The following ZNF579 variants were observed in gnomAD, a reference collection of about 807,000 sequenced individuals.
The protein encoded by ZNF579 is zinc finger protein 579.
A neutral mutation model predicts 5.7 loss-of-function variants in ZNF579; 3 were observed. That is an observed-to-expected ratio of 0.53 (90% CI 0.24 to 1.36). The LOEUF is 1.36. Among genes scored for constraint, ZNF579 ranks in the 40% most tolerant of loss-of-function variants. The pLI, the probability that ZNF579 is intolerant of heterozygous loss-of-function variation, is 0.16. For synonymous variants in ZNF579, 454 were observed against 409.0 expected, an observed-to-expected ratio of 1.11 and a Z score of -1.33; for missense variants, 679 against 877.6, an observed-to-expected ratio of 0.77 and a Z score of 2.86.
rs1470348847 is a variant in ZNF579, at chr19:55,579,301, G to A, written c.339C>T (p.Ala113=). ...CCTGAGCCAGGTGGCGCCTGAGCTG[G>A]GCCGGTTCTGGGAAGGTGCGGGGGC... The part of the protein sequence containing the change: ...AACPRTFPEP[A]QLRRHLAQEH... Residue 113 remains alanine (A), a synonymous_variant, in exon 2 of 2, where the codon GCC becomes GCT. Transcript: ENST00000325421. 1.3e-6 allele frequency: 2 copies of A among 1,505,288 alleles called. No individual in the cohort carries two copies. Among genetic ancestry groups the A allele is most frequent in the Admixed American group, 4.1e-5 (2 of 48,756 alleles). The allele number at this position is 1,505,288 out of a possible 1,614,324, so 93.2% of individuals were successfully genotyped here.
chr19:55,579,767 G>A (rs1979585156), intron 1 of ZNF579, 126 bp from the exon 2 acceptor site: 3 of 1,097,648 alleles, frequency 2.7e-6, no homozygotes. Context: ...ATTTAGCCAG[G>A]AGAGAGATAT....
rs1387662541 is a variant in ZNF579 at position 55,576,877 on chromosome 19, G to A, written c.*1074C>T. On this transcript the variant is annotated 3_prime_UTR_variant, in exon 2 of 2. Coordinates refer to ENST00000325421, the MANE Select transcript of ZNF579 (RefSeq NM_152600.3). ...CGTGTGTCTGCTGGATATCATATTG[G>A]ACAGTGAAGATGTAGAATATCCCAT... 2 of 152,064 alleles carry A rather than the reference G, an allele frequency of 1.3e-5. No individual in the cohort carries two copies. The highest frequency in any genetic ancestry group is 2.9e-5 in the Non-Finnish European group (2 of 68,020). 9.4% of individuals were successfully genotyped at this position (152,064 alleles called of 1,614,324 possible).
In ZNF579 at chr19:55,579,453, G is replaced by A; in HGVS notation, c.187C>T (p.Arg63Trp). 1.5e-6 allele frequency: 2 copies of A among 1,340,276 alleles called. No homozygotes were observed. Among genetic ancestry groups the A allele is most frequent in the Non-Finnish European group, 1.9e-6 (2 of 1,043,650 alleles). 83.0% of individuals were successfully genotyped at this position (1,340,276 alleles called of 1,614,324 possible). A position where few individuals can be genotyped will look rare whatever the true frequency, so the allele number is the denominator to read the frequency against. Residue 63 changes from arginine to tryptophan, a missense_variant, in exon 2 of 2, where the codon CGG (arginine) becomes TGG (tryptophan). By Grantham distance (101) the Arg-to-Trp change is moderately radical (BLOSUM62 -3). This residue lies in a region of ZNF579 where 134 missense variants were observed against 208.9 expected (regional missense o/e 0.64). Coordinates refer to ENST00000325421, the MANE Select transcript of ZNF579 (RefSeq NM_152600.3). ...GGCCGGAGCCCCGAGTGGCTCAGCC[G>A]GTGCCGGGAGAGGTAGTAGGGGAAA... ...FRFPYYLSRH[R>W]LSHSGLRPHA...
chr19:55,578,497 C>T lies in ZNF579; in HGVS notation c.1143G>A (p.Glu381=). Residue 381 remains glutamate (E), a synonymous_variant, in exon 2 of 2, where the codon GAG becomes GAA. Transcript: ENST00000325421. ...DAAPARPPAG[E]PRFWCPECGK... ...CGCACTCTGGGCACCAGAAGCGGGG[C>T]TCCCCGGCGGGGGGCCGAGCCGGGG... 7.0e-7 allele frequency: 1 copy of T among 1,421,634 alleles called. No homozygotes were observed. Among genetic ancestry groups the T allele is most frequent in the African/African-American group, 1.5e-5 (1 of 65,816 alleles). 88.1% of individuals were successfully genotyped at this position (1,421,634 alleles called of 1,614,324 possible). A position where few individuals can be genotyped will look rare whatever the true frequency, so the allele number is the denominator to read the frequency against.
chr19:55,578,534 C>G lies in ZNF579; in HGVS notation c.1106G>C (p.Gly369Ala). 7.3e-7 allele frequency: 1 copy of G among 1,363,340 alleles called. No individual in the cohort carries two copies. The highest frequency in any genetic ancestry group is 9.3e-7 in the Non-Finnish European group (1 of 1,079,894). 84.5% of individuals were successfully genotyped at this position (1,363,340 alleles called of 1,614,324 possible). A position where few individuals can be genotyped will look rare whatever the true frequency, so the allele number is the denominator to read the frequency against. The change falls in exon 2 of 2, where the codon GGA (glycine) becomes GCA (alanine). Residue 369 changes from glycine to alanine, a missense_variant. This residue lies in a region of ZNF579 where 114 missense variants were observed against 98.9 expected (regional missense o/e 1.15). Coordinates refer to ENST00000325421, the MANE Select transcript of ZNF579 (RefSeq NM_152600.3). ...GASEGGEGQN[G>A]GDAAPARPPA... ...GGGCCGAGCCGGGGCGGCGTCGCCT[C>G]CGTTCTGCCCTTCTCCCCCTTCCGA... is the stretch of plus-strand genomic sequence containing the variant.
chr19:55,577,222 C>T lies in ZNF579; in HGVS notation c.*729G>A, dbSNP rs1979398846. On this transcript the variant is annotated 3_prime_UTR_variant, in exon 2 of 2. Coordinates refer to ENST00000325421, the MANE Select transcript of ZNF579 (RefSeq NM_152600.3). ...GACTCCTCCTCAGTGCCTAGTACCA[C>T]CGCTGACACAGAGTAAGGGTGTGGT... 2 of 152,482 alleles carry T rather than the reference C, an allele frequency of 1.3e-5. No individual in the cohort carries two copies. The highest frequency in any genetic ancestry group is 1.9e-4 in the East Asian group (1 of 5,202). 9.4% of individuals were successfully genotyped at this position (152,482 alleles called of 1,614,324 possible).
In ZNF579 at chr19:55,578,073, C is replaced by G; in HGVS notation, c.1567G>C (p.Ala523Pro). 6.3e-7 allele frequency: 1 copy of G among 1,577,080 alleles called. No individual in the cohort carries two copies. Among genetic ancestry groups the G allele is most frequent in the South Asian group, 1.2e-5 (1 of 86,272 alleles). Residue 523 changes from alanine to proline, a missense_variant, in exon 2 of 2, where the codon GCT becomes CCT. Physicochemically the swap from Ala to Pro is conservative, Grantham distance 27. Around this residue, in one of 6 missense-constraint regions of ZNF579, gnomAD observed 116 missense variants for 121.9 expected, o/e 0.95. Coordinates refer to ENST00000325421, the MANE Select transcript of ZNF579 (RefSeq NM_152600.3). ...SPGTPPQSPP[A>P]PPVFLSASCF... ...GAGGCGCTGAGGAAGACAGGGGGAGCCGGCGGGGACTGGGGTGGGGTCCCC... is the reference window on the plus strand; with the variant it reads ...GAGGCGCTGAGGAAGACAGGGGGAGGCGGCGGGGACTGGGGTGGGGTCCCC...
At position 55,578,131 on chromosome 19, in the gene ZNF579, G is replaced by A. The variant is rs1979451539; in HGVS notation, c.1509C>T (p.Pro503=). ...AEQEEEGLPL[P]LANIKEEPPS... is the part of the protein sequence containing the mutation. ...GCGGCTCTTCCTTAATGTTTGCGAG[G>A]GGCAGCGGGAGCCCTTCTTCCTCCT... The change falls in exon 2 of 2, where the codon CCC becomes CCT. Residue 503 remains proline, a synonymous_variant. Transcript: ENST00000325421. 2 of 1,542,598 alleles carry A rather than the reference G, an allele frequency of 1.3e-6. No individual in the cohort carries two copies. Among genetic ancestry groups the A allele is most frequent in the Non-Finnish European group, 1.7e-6 (2 of 1,143,538 alleles).
In ZNF579 at chr19:55,577,854, G is replaced by T. The variant is rs956479940; in HGVS notation, c.*97C>A. On this transcript the variant is annotated 3_prime_UTR_variant, in exon 2 of 2. Transcript: ENST00000325421. ...TTAGTGTCAAGGGCGTGAAGGGGACGGGTGGGTAGACAGAGGAGGTGGCTC... is the reference window on the plus strand; with the variant it reads ...TTAGTGTCAAGGGCGTGAAGGGGACTGGTGGGTAGACAGAGGAGGTGGCTC... 1.7e-5 allele frequency: 26 copies of T among 1,513,838 alleles called. No individual in the cohort carries two copies. Among genetic ancestry groups the T allele is most frequent in the East Asian group, 1.7e-4 (7 of 40,860 alleles). The allele number at this position is 1,513,838 out of a possible 1,614,324, so 93.8% of individuals were successfully genotyped here.
At chr19:55,579,706 C>A in intron 1 of ZNF579, 65 bp from the exon 2 acceptor site, 1 of 1,338,356 alleles carries the variant, frequency 7.5e-7, no homozygotes. Flanking sequence ...TGGGGTGTGG[C>A]AGAAAGAGAA....
Position 55,577,626 on chromosome 19 carries a change from A to T in ZNF579, c.*325T>A. 1 of 403,924 alleles carries T rather than the reference A, an allele frequency of 2.5e-6. No individual in the cohort carries two copies. Among genetic ancestry groups the T allele is most frequent in the African/African-American group, 2.1e-5 (1 of 48,086 alleles). The allele number at this position is 403,924 out of a possible 1,614,324, so 25.0% of individuals were successfully genotyped here. On this transcript the variant is annotated 3_prime_UTR_variant, in exon 2 of 2. Coordinates refer to ENST00000325421, the MANE Select transcript of ZNF579 (RefSeq NM_152600.3). ...AGGGTCTGGCAGTTCCAAAGAGGTG[A>T]TGGTGTCCAGTGTGTGAAACGGGGG...
At position 55,579,239 on chromosome 19, in the gene ZNF579, C is replaced by G. The variant is rs754957031; in HGVS notation, c.401G>C (p.Arg134Thr). The change falls in exon 2 of 2, where the codon AGG (arginine) becomes ACG (threonine). Residue 134 changes from arginine (R) to threonine (T), a missense_variant. Transcript: ENST00000325421. The stretch of plus-strand genomic sequence containing the variant: ...GGGTTCGGCCGTCTCCTTGGCCACC[C>G]TCTCGATGGCCAGCTCGACCTCGCC... ...AGGEVELAIE[R>T]VAKETAEPSW... is the part of the protein sequence containing the mutation. 1 of 1,521,480 alleles carries G rather than the reference C, an allele frequency of 6.6e-7. No homozygotes were observed. Among genetic ancestry groups the G allele is most frequent in the South Asian group, 1.2e-5 (1 of 83,224 alleles). The allele number at this position is 1,521,480 out of a possible 1,614,324, so 94.2% of individuals were successfully genotyped here.
Position 55,578,591 on chromosome 19 carries a change from T to A in ZNF579, c.1049A>T (p.Glu350Val). 6.7e-7 allele frequency: 1 copy of A among 1,496,490 alleles called. No homozygotes were observed. Among genetic ancestry groups the A allele is most frequent in the Admixed American group, 2.2e-5 (1 of 44,924 alleles). The allele number at this position is 1,496,490 out of a possible 1,614,324, so 92.7% of individuals were successfully genotyped here. A position where few individuals can be genotyped will look rare whatever the true frequency, so the allele number is the denominator to read the frequency against. The part of the protein sequence containing the change: ...SGARNSAKGP[E>V]GGEGAECGGA... The stretch of plus-strand genomic sequence containing the variant: ...CCCGCACTCCGCCCCCTCGCCCCCC[T>A]CCGGCCCCTTGGCTGAGTTCCGTGC... The change falls in exon 2 of 2, where the codon GAG (glutamate) becomes GTG (valine). Residue 350 changes from glutamate to valine, a missense_variant. Glu to Val is a moderately radical substitution (Grantham distance 121). Around this residue, in one of 6 missense-constraint regions of ZNF579, gnomAD observed 114 missense variants for 98.9 expected, o/e 1.15. Transcript: ENST00000325421.
Position 55,579,523 on chromosome 19 carries a change from G to A in ZNF579, c.117C>T (p.Ala39=), listed in dbSNP as rs1364614833. Residue 39 remains alanine (A), a synonymous_variant, in exon 2 of 2, where the codon GCC becomes GCT. Coordinates refer to ENST00000325421, the MANE Select transcript of ZNF579 (RefSeq NM_152600.3). ...TGGGGCAGGGCAGGGGCGCCCTAGG[G>A]GCTCCAGCGCCCCCCCTGCCACGGC... is the stretch of plus-strand genomic sequence containing the variant. The part of the protein sequence containing the change: ...GRGRGRGGAG[A]PRAPLPCPTC... 15 of 1,426,384 alleles carry A rather than the reference G, an allele frequency of 1.1e-5. No individual in the cohort carries two copies. Among genetic ancestry groups the A allele is most frequent in the Non-Finnish European group, 1.4e-5 (15 of 1,096,986 alleles). 88.4% of individuals were successfully genotyped at this position (1,426,384 alleles called of 1,614,324 possible). A position where few individuals can be genotyped will look rare whatever the true frequency, so the allele number is the denominator to read the frequency against.
intron 1 of ZNF579, among the ~76,000 whole-genome samples, 195 bp downstream of exon 1, chr19:55,580,600 C>T (rs1366173857): frequency 6.6e-6 from 1 of 151,254 alleles, no homozygotes; most frequent in Non-Finnish European, 1.5e-5. Context: ...CGACTGAGGG[C>T]CGGACCCCTG....
chr19:55,579,189 A>G lies in ZNF579; in HGVS notation c.451T>C (p.Ser151Pro). The change falls in exon 2 of 2, where the codon TCG becomes CCG. Residue 151 changes from serine to proline, a missense_variant. Around this residue, in one of 6 missense-constraint regions of ZNF579, gnomAD observed 209 missense variants for 223.4 expected, o/e 0.94. Coordinates refer to ENST00000325421, the MANE Select transcript of ZNF579 (RefSeq NM_152600.3). ...GCTGCAGCGGTGGTGGGCGGCTCCG[A>G]GCCCTCGTCCTGCGGGCCCCAGCTG... ...EPSWGPQDEG[S>P]EPPTTAAAGA... The G allele has an allele frequency of 2.6e-6, 4 of 1,524,674 alleles. No homozygotes were observed. Among genetic ancestry groups the G allele is most frequent in the Non-Finnish European group, 3.5e-6 (4 of 1,141,708 alleles). 94.4% of individuals were successfully genotyped at this position (1,524,674 alleles called of 1,614,324 possible).
At chr19:55,580,103 G>A in intron 1 of ZNF579, 1 of 155,686 alleles carries the variant, frequency 6.4e-6, no homozygotes. Flanking sequence ...GCGGGTTGGG[G>A]GCCGGAGAGA....
At position 55,577,253 on chromosome 19, in the gene ZNF579, T is replaced by C. The variant is rs77282471; in HGVS notation, c.*698A>G. Reference sequence around the variant, plus strand: ...ACACAGAGTAAGGGTGTGGTAGAGATTGACTGAGTAAGGCGCGGAGCTTCC... The same window carrying C: ...ACACAGAGTAAGGGTGTGGTAGAGACTGACTGAGTAAGGCGCGGAGCTTCC... On this transcript the variant is annotated 3_prime_UTR_variant, in exon 2 of 2. Coordinates refer to ENST00000325421, the MANE Select transcript of ZNF579 (RefSeq NM_152600.3). The C allele has an allele frequency of 0.013, 2,047 of 153,994 alleles. 64 individuals are homozygous for C. The highest frequency in any genetic ancestry group is 0.047 in the African/African-American group (1,939 of 41,520). 9.5% of individuals were successfully genotyped at this position (153,994 alleles called of 1,614,324 possible).
In ZNF579 at chr19:55,578,511, G is replaced by T. The variant is rs759738090; in HGVS notation, c.1129C>A (p.Pro377Thr). Reference sequence around the variant, plus strand: ...CAGAAGCGGGGCTCCCCGGCGGGGGGCCGAGCCGGGGCGGCGTCGCCTCCG... The same window carrying T: ...CAGAAGCGGGGCTCCCCGGCGGGGGTCCGAGCCGGGGCGGCGTCGCCTCCG... ...QNGGDAAPARPPAGEPRFWCP... is the reference protein window; with the variant it reads ...QNGGDAAPARTPAGEPRFWCP... Residue 377 changes from proline (P) to threonine (T), a missense_variant, in exon 2 of 2, where the codon CCC becomes ACC. Pro to Thr is a conservative substitution (Grantham distance 38). This residue lies in a region of ZNF579 where 114 missense variants were observed against 98.9 expected (regional missense o/e 1.15). Coordinates refer to ENST00000325421, the MANE Select transcript of ZNF579 (RefSeq NM_152600.3). 7.1e-7 allele frequency: 1 copy of T among 1,412,350 alleles called. No individual in the cohort carries two copies. The highest frequency in any genetic ancestry group is 9.1e-7 in the Non-Finnish European group (1 of 1,094,702). 87.5% of individuals were successfully genotyped at this position (1,412,350 alleles called of 1,614,324 possible). A position where few individuals can be genotyped will look rare whatever the true frequency, so the allele number is the denominator to read the frequency against.
Sources: gnomAD v4.1 joint callset for allele counts (sites outside exome capture counted in the v4.1 genomes callset) on GRCh38, gnomAD v4.1.1 for gene constraint, gnomAD v4.1.1 regional missense constraint, MANE v1.5 for transcripts, NCBI Gene and HGNC (gene_info 2026-07-23, HGNC 2026-07-21) for gene names.